STK33: variants seen among roughly 807,000 people sequenced by gnomAD.
STK33 encodes serine/threonine-protein kinase 33.
STK33 carries 52 observed loss-of-function variants against 58.0 expected under a neutral mutation model. That is an observed-to-expected ratio of 0.90 (90% CI 0.72 to 1.13). The LOEUF is 1.13. Ranked by LOEUF, STK33 falls within the 50% of genes most tolerant of loss-of-function variation. STK33 has a pLI of 0.00. For missense variants in STK33, 630 were observed against 604.2 expected, an observed-to-expected ratio of 1.04 and a Z score of -0.45; for synonymous variants, 215 against 200.1, an observed-to-expected ratio of 1.07 and a Z score of -0.63.
At chr11:8,531,278 G>C (rs985316964) in intron 1 of STK33, among the ~76,000 whole-genome samples, 2 of 152,182 alleles carry the variant, frequency 1.3e-5, no homozygotes, top group Admixed American at 6.5e-5. Flanking sequence ...ATACAGGTAA[G>C]AAAGATACTA....
intron 2 of STK33, among the ~76,000 whole-genome samples, chr11:8,478,249 T>C (rs946872704): frequency 6.6e-6 from 1 of 152,172 alleles, no homozygotes; most frequent in Non-Finnish European, 1.5e-5. Flanking sequence ...GATTAATAGC[T>C]CTTTTTCTAT....
intron 5 of STK33, among the ~76,000 whole-genome samples, chr11:8,474,088 T>C (rs1949036022): frequency 6.6e-6 from 1 of 151,626 alleles, no homozygotes; most frequent in Non-Finnish European, 1.5e-5. Context: ...GCTAGGAAAA[T>C]CACTTGAACC....
rs145633366 is a variant in STK33 at position 8,582,071 on chromosome 11, T to C, written c.-466+12012A>G. On this transcript the variant is annotated intron_variant, in intron 1 of 15. Transcript: ENST00000687296. ...AGACACTAATTGAATGTCCATACTA[T>C]TTTATTTATAGGTCTTTCTCAAATA... 3.3e-4 allele frequency among the ~76,000 whole-genome samples: 50 copies of C among 152,376 alleles called. 1 individual carries two copies. In the East Asian group the frequency reaches 9.6e-3, roughly 29 times the overall value.
intron 1 of STK33, among the ~76,000 whole-genome samples, chr11:8,497,291 C>A (rs962686551): frequency 6.6e-6 from 1 of 152,096 alleles, no homozygotes; most frequent in Non-Finnish European, 1.5e-5. Flanking sequence ...AAAGATCATA[C>A]ATAGACACAT....
At chr11:8,435,292 T>C (rs1435436388) in intron 14 of STK33, among the ~76,000 whole-genome samples, 4 of 152,130 alleles carry the variant, frequency 2.6e-5, no homozygotes, top group Non-Finnish European at 5.9e-5. Flanking sequence ...CCTCTATAAA[T>C]ATATATAAAC....
chr11:8,558,707 C>T (rs2140889305), intron 1 of STK33, among the ~76,000 whole-genome samples: 1 of 152,232 alleles, frequency 6.6e-6, no homozygotes, highest in South Asian at 2.1e-4. Flanking sequence ...TTTGTGTGTT[C>T]CTGCTGGGCT....
chr11:8,531,487 T>A (rs1954544838), intron 1 of STK33, among the ~76,000 whole-genome samples: 1 of 152,238 alleles, frequency 6.6e-6, no homozygotes, highest in Non-Finnish European at 1.5e-5. Flanking sequence ...GTTGGAGCTC[T>A]GTGAAAGCTC....
Position 8,392,564 on chromosome 11 carries a change from T to G in STK33, c.1491A>C (p.Ala497=), listed in dbSNP as rs1238263866. The G allele has an allele frequency of 1.9e-6, 3 of 1,614,240 alleles. No homozygotes were observed. The highest frequency in any genetic ancestry group is 2.5e-6 in the Non-Finnish European group (3 of 1,180,038). The change falls in exon 16 of 16, where the codon GCA becomes GCC. Residue 497 remains alanine, a synonymous_variant. Transcript: ENST00000687296. ...CGCCGGATTTAGCAGGGTACTTGGT[T>G]GCTGTTCCTTGGCTTGGAGTCACAG... ...KTPVTPSQGT[A]TKYPAKSGAL...
At chr11:8,501,148 AG>A (rs2139122558) in intron 1 of STK33, among the ~76,000 whole-genome samples, 1 of 152,340 alleles carries the variant, frequency 6.6e-6, no homozygotes, top group South Asian at 2.1e-4. Context: ...ACAGTTTCTT[AG>A]ATATGACACC....
At position 8,527,703 on chromosome 11, in the gene STK33, TAAG is replaced by T. The variant is rs567513705; in HGVS notation, c.-465-47092_-465-47090del. Among the ~76,000 whole-genome samples the T allele has an allele frequency of 1.8e-3, 268 of 152,124 alleles. 1 individual carries two copies. Among genetic ancestry groups the T allele is most frequent in the Non-Finnish European group, 2.7e-3 (185 of 68,038 alleles). On this transcript the variant is annotated intron_variant, in intron 1 of 15. Coordinates refer to ENST00000687296, the MANE Select transcript of STK33 (RefSeq NM_001352389.2). ...AGATAACCAGAAAAATTATTATATC[TAAG>T]AAGAAGTTTCCATAGACATGAGGCA... is the stretch of plus-strand genomic sequence containing the variant.
intron 14 of STK33, among the ~76,000 whole-genome samples, chr11:8,418,579 T>C (rs1941462577): frequency 6.6e-6 from 1 of 152,188 alleles, no homozygotes; most frequent in East Asian, 1.9e-4. Flanking sequence ...GCAGACTGAT[T>C]TATATTCCTC....
At chr11:8,414,117 C>CA (rs1052407547) in intron 14 of STK33, among the ~76,000 whole-genome samples, 113 of 149,538 alleles carry the variant, frequency 7.6e-4, no homozygotes, top group South Asian at 3.8e-3. Flanking sequence ...AATATCTAGG[C>CA]AAAAAAAAAT....
At chr11:8,358,338 A>G in the STK33 span, among the ~76,000 whole-genome samples, 4 of 152,158 alleles carry the variant, frequency 2.6e-5, no homozygotes, top group Non-Finnish European at 5.9e-5. Context: ...ACACCTGAGG[A>G]AGCTGCATAG....
intron 1 of STK33, among the ~76,000 whole-genome samples, chr11:8,571,555 C>T (rs1033732958): frequency 6.6e-6 from 1 of 152,046 alleles, no homozygotes; most frequent in African/African-American, 2.4e-5. Flanking sequence ...AAAATGGGGC[C>T]AGGCATGGTG....
intron 1 of STK33, among the ~76,000 whole-genome samples, chr11:8,533,041 T>C (rs968836958): frequency 1.3e-5 from 2 of 152,244 alleles, no homozygotes; most frequent in Admixed American, 6.5e-5. Flanking sequence ...ACTTCTGAGA[T>C]TGATGTCTGC....
intron 15 of STK33, among the ~76,000 whole-genome samples, chr11:8,396,347 G>C (rs1849336945): frequency 6.6e-6 from 1 of 152,170 alleles, no homozygotes; most frequent in Non-Finnish European, 1.5e-5. Context: ...TTATGCTTCT[G>C]TGTATATGGG....
At chr11:8,419,696 G>T (rs2135830105) in intron 14 of STK33, among the ~76,000 whole-genome samples, 1 of 152,182 alleles carries the variant, frequency 6.6e-6, no homozygotes, top group South Asian at 2.1e-4. Context: ...TAATGATATT[G>T]ATTCTTCCGA....
chr11:8,507,512 C>T (rs1480532079), intron 1 of STK33, among the ~76,000 whole-genome samples: 1 of 152,100 alleles, frequency 6.6e-6, no homozygotes, highest in African/African-American at 2.4e-5. Context: ...AATCACTACC[C>T]AGCGAAGAGT....
intron 14 of STK33, among the ~76,000 whole-genome samples, chr11:8,426,141 TC>T (rs1199271671): frequency 6.6e-6 from 1 of 152,050 alleles, no homozygotes; most frequent in African/African-American, 2.4e-5. Flanking sequence ...GGAGAATGAG[TC>T]CAAGGTTTTA....
Sources: gnomAD v4.1 joint callset for allele counts (sites outside exome capture counted in the v4.1 genomes callset) on GRCh38, gnomAD v4.1.1 for gene constraint, MANE v1.5 for transcripts, NCBI Gene and HGNC (gene_info 2026-07-23, HGNC 2026-07-21) for gene names.